Variants in SPECC1L observed in about 807,000 individuals in gnomAD.
SPECC1L encodes sperm antigen with calponin homology and coiled-coil domains 1 like, also known as cytospin-A.
Under a neutral mutation model 116.8 loss-of-function variants are expected in SPECC1L, and 40 were observed. The ratio of observed to expected loss-of-function variants is 0.34; its 90% confidence interval spans 0.27 to 0.45. SPECC1L has a LOEUF of 0.45. Among genes scored for constraint, SPECC1L ranks in the 20% least tolerant of loss-of-function variants. The pLI is 1.00. For missense variants in SPECC1L, 1,110 were observed against 1,373.6 expected (o/e 0.81, Z 3.03); for synonymous variants, 504 against 500.6 (o/e 1.01, Z -0.09).
intron 14 of SPECC1L, among the ~76,000 whole-genome samples, chr22:24,389,219 C>T (rs2042219825): frequency 6.7e-6 from 1 of 149,120 alleles, no homozygotes; most frequent in East Asian, 2.0e-4. Flanking sequence ...TGGGTTCAAG[C>T]GATTCTCCTG....
intron 13 of SPECC1L, among the ~76,000 whole-genome samples, chr22:24,366,247 C>T (rs1023614819): frequency 6.6e-6 from 1 of 151,714 alleles, no homozygotes; most frequent in Non-Finnish European, 1.5e-5. Flanking sequence ...GGTTGGAGTG[C>T]AGTGGCGCGA....
intron 2 of SPECC1L, among the ~76,000 whole-genome samples, chr22:24,287,287 G>C (rs1408443477): frequency 1.3e-5 from 2 of 152,220 alleles, no homozygotes; most frequent in East Asian, 1.9e-4. Flanking sequence ...AGGTATCGGC[G>C]CTGGGGTATT....
At chr22:24,412,353 G>T (rs2042715268) in intron 15 of SPECC1L, 2 of 497,822 alleles carry the variant, frequency 4.0e-6, no homozygotes, top group Non-Finnish European at 7.4e-6. Context: ...CTAGCTTTTG[G>T]GGGTGCGTGT....
intron 4 of SPECC1L, among the ~76,000 whole-genome samples, chr22:24,314,694 C>T (rs1380287196): frequency 1.3e-5 from 2 of 152,188 alleles, no homozygotes. Flanking sequence ...GCCCATCACC[C>T]TTTATTGTCT....
At chr22:24,287,957 A>G (rs368223283) in intron 2 of SPECC1L, among the ~76,000 whole-genome samples, 4 of 152,118 alleles carry the variant, frequency 2.6e-5, no homozygotes, top group Non-Finnish European at 4.4e-5. Context: ...GGTAAGCAAT[A>G]AGGCCCTGTG....
intron 5 of SPECC1L, 139 bp downstream of exon 5, chr22:24,323,057 A>G (rs1393993359): frequency 7.1e-7 from 1 of 1,409,958 alleles, no homozygotes; most frequent in Non-Finnish European, 9.2e-7. Context: ...AAAACTTGGG[A>G]ATGGTTTCCT....
At chr22:24,297,854 G>C (rs1043517781) in intron 2 of SPECC1L, among the ~76,000 whole-genome samples, 2 of 152,220 alleles carry the variant, frequency 1.3e-5, no homozygotes, top group African/African-American at 4.8e-5. Context: ...TTGGTTATCA[G>C]ATTAACTGTC....
In SPECC1L at chr22:24,390,888, T is replaced by C. The variant is rs866371925; in HGVS notation, c.3088-20700T>C. 4.6e-3 allele frequency among the ~76,000 whole-genome samples: 488 copies of C among 105,872 alleles called. 10 individuals are homozygous for C. Among genetic ancestry groups the C allele is most frequent in the African/African-American group, 0.015 (437 of 29,952 alleles). The allele number at this position is 105,872 out of a possible 152,430, so 69.5% of individuals were successfully genotyped here. The stretch of plus-strand genomic sequence containing the variant: ...TTTTCTTTTCTTTTTTTTTTTTTTT[T>C]TTTTTTTTTTGAGTCAGAGTCTCAC... On this transcript the variant is annotated intron_variant, in intron 14 of 16. Transcript: ENST00000314328.
At chr22:24,324,483 A>T in intron 6 of SPECC1L, 56 bp downstream of exon 6, 2 of 1,480,992 alleles carry the variant, frequency 1.4e-6, no homozygotes, top group Non-Finnish European at 1.9e-6. Flanking sequence ...ACATGCGGGG[A>T]TAATTTGCAT....
At chr22:24,394,079 C>T (rs1196768570) in intron 14 of SPECC1L, among the ~76,000 whole-genome samples, 1 of 152,158 alleles carries the variant, frequency 6.6e-6, no homozygotes, top group East Asian at 1.9e-4. Flanking sequence ...TTAAGCCATT[C>T]AGCTGCTGAT....
intron 2 of SPECC1L, among the ~76,000 whole-genome samples, chr22:24,280,281 G>T (rs191038600): frequency 6.7e-6 from 1 of 150,098 alleles, no homozygotes; most frequent in Non-Finnish European, 1.5e-5. Context: ...CTGCTGATAT[G>T]GTTAGGATTT....
chr22:24,278,544 C>T (rs2048880479), intron 2 of SPECC1L, among the ~76,000 whole-genome samples: 2 of 152,096 alleles, frequency 1.3e-5, no homozygotes, highest in South Asian at 4.1e-4. Context: ...CAGATATTGA[C>T]TGTTAGGTGC....
Position 24,365,533 on chromosome 22 carries a change from C to T in SPECC1L, c.2885C>T (p.Ser962Leu), listed in dbSNP as rs190313411. ...KRDISAQEGA[S>L]PASLMAMGTT... ...GACATTTCTGCACAGGAGGGAGCGT[C>T]GCCAGCCTCTCTGATGGCTATGGGA... is the stretch of plus-strand genomic sequence containing the variant. Residue 962 changes from serine (S) to leucine (L), a missense_variant, in exon 13 of 17, where the codon TCG (serine) becomes TTG (leucine). This residue lies in a region of SPECC1L where 575 missense variants were observed against 682.4 expected (regional missense o/e 0.84). Coordinates refer to ENST00000314328, the MANE Select transcript of SPECC1L (RefSeq NM_015330.6). 66 of 1,614,092 alleles carry T rather than the reference C, an allele frequency of 4.1e-5. No homozygotes were observed. The highest frequency in any genetic ancestry group is 1.1e-4 in the East Asian group (5 of 44,864).
chr22:24,381,347 T>C (rs1601317531), intron 14 of SPECC1L, among the ~76,000 whole-genome samples: 1 of 152,312 alleles, frequency 6.6e-6, no homozygotes, highest in East Asian at 1.9e-4. Context: ...TAGTACAAAA[T>C]AGTTTAAATA....
At position 24,363,355 on chromosome 22, in the gene SPECC1L, T is replaced by C. The variant is rs2041682492; in HGVS notation, c.2827+11T>C. 1.9e-6 allele frequency: 3 copies of C among 1,611,468 alleles called. No individual in the cohort carries two copies. Among genetic ancestry groups the C allele is most frequent in the Non-Finnish European group, 2.5e-6 (3 of 1,177,604 alleles). On this transcript the variant is annotated intron_variant, in intron 12 of 16. Transcript: ENST00000314328. ...CCAAGACCCTCTCAGGTGATGACTT[T>C]CATCTGAATTTTTGTTGTATTTGTT...
chr22:24,375,379 A>C (rs1455658526), intron 14 of SPECC1L, among the ~76,000 whole-genome samples: 2 of 152,204 alleles, frequency 1.3e-5, no homozygotes, highest in Admixed American at 6.5e-5. Flanking sequence ...AAAAAAAGAA[A>C]ACTGTAAAAG....
chr22:24,342,491 C>T (rs528059813), intron 10 of SPECC1L, among the ~76,000 whole-genome samples: 7 of 151,864 alleles, frequency 4.6e-5, no homozygotes, highest in Admixed American at 6.6e-5. Flanking sequence ...GCCAACATGG[C>T]GAAACCCCAT....
chr22:24,296,813 TTG>T (rs1449034600), intron 2 of SPECC1L, among the ~76,000 whole-genome samples: 3 of 152,228 alleles, frequency 2.0e-5, no homozygotes, highest in African/African-American at 7.2e-5. Context: ...GTGGAAGCAT[TTG>T]TGATTGTCTC....
At chr22:24,367,632 A>G (rs1601292160) in intron 13 of SPECC1L, among the ~76,000 whole-genome samples, 1 of 152,232 alleles carries the variant, frequency 6.6e-6, no homozygotes, top group East Asian at 1.9e-4. Context: ...CTAACTGCAC[A>G]TAGAAAAGTA....
Sources: gnomAD v4.1 joint callset for allele counts (sites outside exome capture counted in the v4.1 genomes callset) on GRCh38, gnomAD v4.1.1 for gene constraint, gnomAD v4.1.1 regional missense constraint, MANE v1.5 for transcripts, NCBI Gene and HGNC (gene_info 2026-07-23, HGNC 2026-07-21) for gene names.